The following GPCPD1 variants were observed in gnomAD, a reference collection of about 807,000 sequenced individuals.
GPCPD1 encodes glycerophosphocholine phosphodiesterase GPCPD1.
In GPCPD1, 29 loss-of-function variants were observed where a neutral mutation model predicts 89.2. That is an observed-to-expected ratio of 0.33 (90% CI 0.24 to 0.44). The LOEUF (loss-of-function observed/expected upper bound fraction) is 0.44. GPCPD1 is among the 20% of genes least tolerant of loss of function. The pLI is 1.00. For synonymous variants in GPCPD1, 258 were observed against 266.3 expected, an observed-to-expected ratio of 0.97 and a Z score of 0.30; for missense variants, 594 against 808.9, an observed-to-expected ratio of 0.73 and a Z score of 3.22.
At chr20:5,559,894 T>C (rs533668142) in intron 17 of GPCPD1, 46 bp downstream of exon 17, 8 of 1,148,736 alleles carry the variant, frequency 7.0e-6, no homozygotes, top group African/African-American at 4.8e-5. Context: ...CCTTAAGTCC[T>C]AGACACATTC....
intron 8 of GPCPD1, 60 bp from the exon 9 acceptor site, chr20:5,576,038 T>C (rs201973129): frequency 3.0e-4 from 212 of 712,898 alleles, no homozygotes; most frequent in Non-Finnish European, 4.4e-4. Context: ...CATACATACA[T>C]ATACACACAC....
At chr20:5,580,393 A>G (rs1978374045) in intron 6 of GPCPD1, among the ~76,000 whole-genome samples, 2 of 152,240 alleles carry the variant, frequency 1.3e-5, no homozygotes, top group South Asian at 4.1e-4. Flanking sequence ...TATTTTTAGA[A>G]TAACAATAAA....
rs371242941 is a variant in GPCPD1, at chr20:5,599,541, T to C, written c.50-720A>G. Among the ~76,000 whole-genome samples the C allele has an allele frequency of 7.2e-5, 11 of 152,292 alleles. No individual in the cohort carries two copies. The East Asian group carries it at 1.5e-3, about 21-fold the overall frequency. On this transcript the variant is annotated intron_variant, in intron 2 of 19. Transcript: ENST00000379019. ...AAACCCATCAAAACAAAGACTTATA[T>C]AGTTGGAAAATCTAGTACTTCTTGG...
At chr20:5,565,275 G>A (rs892181131) in intron 14 of GPCPD1, among the ~76,000 whole-genome samples, 197 bp from the exon 15 acceptor site, 3 of 151,486 alleles carry the variant, frequency 2.0e-5, no homozygotes, top group Admixed American at 1.3e-4. Flanking sequence ...CATCTAGGCT[G>A]GAACACAGTG....
intron 8 of GPCPD1, among the ~76,000 whole-genome samples, chr20:5,577,776 C>T (rs1025066835): frequency 1.3e-5 from 2 of 152,104 alleles, no homozygotes; most frequent in Non-Finnish European, 2.9e-5. Context: ...GCCAGGCCCA[C>T]AGCAGTAAGG....
intron 3 of GPCPD1, 46 bp downstream of exon 3, chr20:5,598,679 A>C (rs1467648337): frequency 9.1e-7 from 1 of 1,094,508 alleles, no homozygotes; most frequent in Admixed American, 1.7e-5. Flanking sequence ...TAACATCATA[A>C]GGTTAATGTC....
At chr20:5,600,586 C>G (rs1980058850) in intron 2 of GPCPD1, among the ~76,000 whole-genome samples, 1 of 152,204 alleles carries the variant, frequency 6.6e-6, no homozygotes, top group South Asian at 2.1e-4. Context: ...ATAATCCCAG[C>G]ACTTTGGGAG....
chr20:5,586,746 G>A (rs945608067), intron 4 of GPCPD1, among the ~76,000 whole-genome samples: 3 of 152,044 alleles, frequency 2.0e-5, no homozygotes, highest in African/African-American at 7.2e-5. Flanking sequence ...AACAATTATC[G>A]CAAGCTACTC....
rs1985023053 is a variant in GPCPD1 at position 5,546,307 on chromosome 20, AATATGTCAATATAT to A, written c.*1340_*1353del. On this transcript the variant is annotated 3_prime_UTR_variant, in exon 20 of 20. Transcript: ENST00000379019. ...GTCTTAGGTTCTCAGCTACTACCAA[AATATGTCAATATAT>A]GAATAAACTGCCTTGTGAAAAACAT... 1 of 152,252 alleles carries A rather than the reference AATATGTCAATATAT, an allele frequency of 6.6e-6. No homozygotes were observed. The highest frequency in any genetic ancestry group is 1.9e-4 in the East Asian group (1 of 5,200). The allele number at this position is 152,252 out of a possible 1,614,324, so 9.4% of individuals were successfully genotyped here. A position where few individuals can be genotyped will look rare whatever the true frequency, so the allele number is the denominator to read the frequency against.
At chr20:5,589,067 AC>A (rs879281652) in intron 4 of GPCPD1, among the ~76,000 whole-genome samples, 1 of 152,082 alleles carries the variant, frequency 6.6e-6, no homozygotes, top group Non-Finnish European at 1.5e-5. Context: ...TCTGCCCACT[AC>A]CCCACTGCAT....
chr20:5,603,574 C>T (rs956723924), intron 2 of GPCPD1, among the ~76,000 whole-genome samples: 5 of 152,060 alleles, frequency 3.3e-5, no homozygotes, highest in South Asian at 2.1e-4. Flanking sequence ...TACATAAAAC[C>T]GAGAGGTACC....
chr20:5,596,362 AG>A lies in GPCPD1; in HGVS notation c.146+2362del, dbSNP rs1258300124. On this transcript the variant is annotated intron_variant, in intron 3 of 19. Coordinates refer to ENST00000379019, the MANE Select transcript of GPCPD1 (RefSeq NM_019593.5). ...AACCGAAATCGTGTCATCGCACTCC[AG>A]CCTGTGTGACAGAATGAGACCCTGT... is the stretch of plus-strand genomic sequence containing the variant. Among the ~76,000 whole-genome samples the A allele has an allele frequency of 2.0e-5, 3 of 152,326 alleles. No homozygotes were observed. In the East Asian group the frequency reaches 5.8e-4, roughly 29 times the overall value.
chr20:5,589,491 A>G (rs1979173079), intron 4 of GPCPD1, among the ~76,000 whole-genome samples: 2 of 152,152 alleles, frequency 1.3e-5, no homozygotes, highest in African/African-American at 4.8e-5. Flanking sequence ...GCATGCCTGT[A>G]ATCCCAACTA....
chr20:5,593,365 G>A lies in GPCPD1; in HGVS notation c.193C>T (p.Gln65Ter). 6.3e-7 allele frequency: 1 copy of A among 1,597,950 alleles called. No individual in the cohort carries two copies. The highest frequency in any genetic ancestry group is 8.6e-7 in the Non-Finnish European group (1 of 1,165,716). ...TIVLSRGVSV[Q>*]YRYFKGYFLE... The stretch of plus-strand genomic sequence containing the variant: ...AAGTACCCTTTGAAGTAGCGATACT[G>A]AACTGATACTCCTCTACTGAGTACA... Residue 65 changes from glutamine (Q) to a stop codon, truncating the protein, a stop_gained, in exon 4 of 20, where the codon CAG becomes TAG. Coordinates refer to ENST00000379019, the MANE Select transcript of GPCPD1 (RefSeq NM_019593.5). LOFTEE classifies it high-confidence loss of function.
In GPCPD1 at chr20:5,575,950, C is replaced by T. The variant is rs144531830; in HGVS notation, c.734G>A (p.Gly245Asp). ...ACCCACATGTCCAGGAAGGGCATCA[C>T]CCTGAACTACGTGCTCACTGAGATC... ...EEDLSEHVVQGDALPGHVGTA... is the reference protein window; with the variant it reads ...EEDLSEHVVQDDALPGHVGTA... Residue 245 changes from glycine to aspartate, a missense_variant, in exon 9 of 20, where the codon GGT becomes GAT. Physicochemically the swap from Gly to Asp is moderately conservative, Grantham distance 94. Coordinates refer to ENST00000379019, the MANE Select transcript of GPCPD1 (RefSeq NM_019593.5). The T allele has an allele frequency of 2.3e-4, 367 of 1,600,064 alleles. No homozygotes were observed. The highest frequency in any genetic ancestry group is 3.0e-4 in the Non-Finnish European group (348 of 1,170,584).
At chr20:5,555,966 C>G (rs557873462) in intron 19 of GPCPD1, among the ~76,000 whole-genome samples, 2 of 152,284 alleles carry the variant, frequency 1.3e-5, no homozygotes, top group African/African-American at 4.8e-5. Context: ...ACGGGTACAG[C>G]AGACTTCATT....
At chr20:5,560,402 A>C (rs1480785147) in intron 16 of GPCPD1, among the ~76,000 whole-genome samples, 1 of 152,196 alleles carries the variant, frequency 6.6e-6, no homozygotes, top group Non-Finnish European at 1.5e-5. Flanking sequence ...CTATGACTTT[A>C]TTTCCATAAA....
rs1435598518 is a variant in GPCPD1, at chr20:5,570,185, C to G, written c.1111G>C (p.Val371Leu). Residue 371 changes from valine to leucine, a missense_variant, in exon 12 of 20, where the codon GTA (valine) becomes CTA (leucine). Coordinates refer to ENST00000379019, the MANE Select transcript of GPCPD1 (RefSeq NM_019593.5). The part of the protein sequence containing the change: ...VHLSKDFVPV[V>L]YHDLTCCLTM... ...AAACAACAGGTAAGATCATGATATA[C>G]CACGGGCACAAAGTCCTTTGAAAGG... 1 of 1,593,088 alleles carries G rather than the reference C, an allele frequency of 6.3e-7. No homozygotes were observed. Among genetic ancestry groups the G allele is most frequent in the African/African-American group, 1.3e-5 (1 of 74,400 alleles).
chr20:5,576,622 T>C (rs1228819084), intron 8 of GPCPD1, among the ~76,000 whole-genome samples: 3 of 152,178 alleles, frequency 2.0e-5, no homozygotes, highest in Non-Finnish European at 4.4e-5. Flanking sequence ...TCATTCAGTA[T>C]AAGCACTGCT....
Sources: allele counts gnomAD v4.1 joint callset (sites outside exome capture counted in the v4.1 genomes callset), GRCh38; gene constraint gnomAD v4.1.1; transcripts MANE v1.5; gene names NCBI Gene and HGNC (gene_info 2026-07-23, HGNC 2026-07-21).